C13orf42: variants seen among roughly 807,000 people sequenced by gnomAD.
The protein encoded by C13orf42 is uncharacterized protein C13orf42.
intron 1 of C13orf42, among the ~76,000 whole-genome samples, chr13:51,136,094 C>T (rs1288190607): frequency 6.6e-6 from 1 of 152,140 alleles, no homozygotes; most frequent in Non-Finnish European, 1.5e-5. Flanking sequence ...CCCTTGCCCA[C>T]CCTCTGGTCT....
intron 1 of C13orf42, among the ~76,000 whole-genome samples, chr13:51,119,580 G>T (rs1052023203): frequency 1.3e-5 from 2 of 152,164 alleles, no homozygotes; most frequent in Non-Finnish European, 2.9e-5. Context: ...CCTTAAAAGG[G>T]AAGGAAATTC....
chr13:51,119,684 T>C (rs1953518357), intron 1 of C13orf42, among the ~76,000 whole-genome samples: 1 of 152,156 alleles, frequency 6.6e-6, no homozygotes, highest in South Asian at 2.1e-4. Flanking sequence ...ATTTCACTTA[T>C]ATGAGGTGCC....
chr13:51,153,640 T>TC lies in C13orf42; in HGVS notation n.136+18612_136+18613insG, dbSNP rs1316992740. Among the ~76,000 whole-genome samples, 372 of 133,248 alleles carry TC rather than the reference T, an allele frequency of 2.8e-3. 3 individuals are homozygous for TC. Among genetic ancestry groups the TC allele is most frequent in the African/African-American group, 0.01 (357 of 35,386 alleles). 87.4% of individuals were successfully genotyped at this position (133,248 alleles called of 152,430 possible). A position where few individuals can be genotyped will look rare whatever the true frequency, so the allele number is the denominator to read the frequency against. On this transcript the variant is annotated intron_variant and non_coding_transcript_variant, in intron 1 of 4. Coordinates refer to the C13orf42 transcript ENST00000433280. ...CTTTCTGTTTTTTTTCTTTTTTTTT[T>TC]TTTTTTTTTTTTTTTTGGAGACAGG...
upstream of C13orf42, among the ~76,000 whole-genome samples, chr13:51,114,647 G>GAGAC (rs1555266728): frequency 3.2e-5 from 2 of 63,292 alleles, no homozygotes; most frequent in African/African-American, 1.4e-4. Flanking sequence ...TAGATAGATA[G>GAGAC]AGATAGACAG....
chr13:51,109,599 T>A (rs9596454), intron 1 of C13orf42, among the ~76,000 whole-genome samples: 5,984 of 151,154 alleles, frequency 0.04, 359 homozygotes, highest in African/African-American at 0.13. Context: ...AAAAAAAAAA[T>A]TTTAATTAGC....
intron 1 of C13orf42, among the ~76,000 whole-genome samples, chr13:51,091,909 G>A (rs1953184046): frequency 1.3e-5 from 2 of 152,268 alleles, no homozygotes; most frequent in South Asian, 4.1e-4. Context: ...AAAACTCTGG[G>A]TTAAGGGGCC....
At chr13:51,156,002 A>T (rs1394278214) in intron 1 of C13orf42, among the ~76,000 whole-genome samples, 1 of 152,198 alleles carries the variant, frequency 6.6e-6, no homozygotes, top group Non-Finnish European at 1.5e-5. Context: ...CAGTGTAGGT[A>T]GGAACTGCCA....
chr13:51,149,847 T>A (rs2138037398), intron 1 of C13orf42, among the ~76,000 whole-genome samples: 1 of 152,144 alleles, frequency 6.6e-6, no homozygotes, highest in Non-Finnish European at 1.5e-5. Context: ...TTAGGCAGAG[T>A]TGAGATGGTG....
At chr13:51,098,877 C>G (rs1049388700) in intron 1 of C13orf42, among the ~76,000 whole-genome samples, 1 of 151,902 alleles carries the variant, frequency 6.6e-6, no homozygotes, top group South Asian at 2.1e-4. Context: ...ACTCCACTTT[C>G]GATTTCTGTG....
intron 1 of C13orf42, among the ~76,000 whole-genome samples, chr13:51,132,439 A>C (rs1265561818): frequency 6.6e-6 from 1 of 152,088 alleles, no homozygotes; most frequent in African/African-American, 2.4e-5. Flanking sequence ...CAAAAACAAA[A>C]AAAAAAAAGC....
intron 1 of C13orf42, among the ~76,000 whole-genome samples, chr13:51,141,017 T>TA (rs200535710): frequency 1.3e-5 from 2 of 151,236 alleles, no homozygotes; most frequent in African/African-American, 4.9e-5. Context: ...GTAATAAGAT[T>TA]AAAAAAAATT....
intron 1 of C13orf42, among the ~76,000 whole-genome samples, chr13:51,138,789 T>C (rs1296107871): frequency 6.6e-6 from 1 of 152,322 alleles, no homozygotes; most frequent in East Asian, 1.9e-4. Flanking sequence ...CACACTCCCA[T>C]GTTCCCTGCA....
At chr13:51,101,757 T>C (rs956142332) in intron 1 of C13orf42, among the ~76,000 whole-genome samples, 6 of 152,210 alleles carry the variant, frequency 3.9e-5, no homozygotes, top group South Asian at 2.1e-4. Context: ...ACAATTACAG[T>C]GTGCTGAGTG....
chr13:51,093,863 GTTTAGGA>G lies in C13orf42; in HGVS notation c.415-5795_415-5789del, dbSNP rs1274259789. 7.9e-5 allele frequency among the ~76,000 whole-genome samples: 12 copies of G among 152,248 alleles called. No homozygotes were observed. The East Asian group carries it at 2.1e-3, about 27-fold the overall frequency. On this transcript the variant is annotated intron_variant, in intron 1 of 3. Coordinates refer to ENST00000563710, the MANE Select transcript of C13orf42 (RefSeq NM_001351589.3). Reference sequence around the variant, plus strand: ...CTTTCCCTCATCAACCACATAGTCTGTTTAGGAATGGCAGAATACTTGCTCTTTTTTT... The same window carrying G: ...CTTTCCCTCATCAACCACATAGTCTGATGGCAGAATACTTGCTCTTTTTTT...
chr13:51,121,989 T>C (rs1953539467), intron 1 of C13orf42, among the ~76,000 whole-genome samples: 1 of 152,208 alleles, frequency 6.6e-6, no homozygotes, highest in African/African-American at 2.4e-5. Flanking sequence ...TAAAACAGTA[T>C]ATACAATACA....
At chr13:51,138,184 A>C (rs545326289) in intron 1 of C13orf42, among the ~76,000 whole-genome samples, 5 of 152,274 alleles carry the variant, frequency 3.3e-5, no homozygotes, top group African/African-American at 1.2e-4. Context: ...ACACCTACAA[A>C]ATGGAAAGAT....
chr13:51,166,403 TG>T (rs1953902172), intron 1 of C13orf42, among the ~76,000 whole-genome samples: 1 of 122,344 alleles, frequency 8.2e-6, no homozygotes, highest in Admixed American at 1.1e-4. Flanking sequence ...TGAGATCACA[TG>T]GACACAGGAA....
At chr13:51,152,932 G>T (rs1027812098) in intron 1 of C13orf42, among the ~76,000 whole-genome samples, 8 of 152,056 alleles carry the variant, frequency 5.3e-5, no homozygotes, top group Non-Finnish European at 8.8e-5. Flanking sequence ...CATGTTCGCG[G>T]GCACCCTGGG....
At chr13:51,117,455 C>A (rs1338561757) in intron 1 of C13orf42, among the ~76,000 whole-genome samples, 1 of 152,154 alleles carries the variant, frequency 6.6e-6, no homozygotes, top group African/African-American at 2.4e-5. Context: ...TGATATACTG[C>A]AGCATTTTAT....
Sources: gnomAD v4.1 joint callset for allele counts (sites outside exome capture counted in the v4.1 genomes callset) on GRCh38, gnomAD v4.1.1 for gene constraint, MANE v1.5 for transcripts, NCBI Gene and HGNC (gene_info 2026-07-23, HGNC 2026-07-21) for gene names.